MTUS1: variants seen among roughly 807,000 people sequenced by gnomAD.
MTUS1 encodes microtubule associated scaffold protein 1.
In MTUS1, 109 loss-of-function variants were observed where a neutral mutation model predicts 120.8. That is an observed-to-expected ratio of 0.90 (90% confidence interval 0.77 to 1.06). The LOEUF (loss-of-function observed/expected upper bound fraction) is 1.06, where lower values mean the gene tolerates loss of function less well. Ranked by LOEUF, MTUS1 falls within the 50% of genes least tolerant of loss-of-function variation. MTUS1 has a pLI of 0.00. For missense variants in MTUS1, 2,210 were observed against 1,486.3 expected, an observed-to-expected ratio of 1.49 and a Z score of -8.01; for synonymous variants, 737 against 550.5, an observed-to-expected ratio of 1.34 and a Z score of -4.74.
At chr8:17,706,069 A>C (rs1461435697) in intron 6 of MTUS1, 9 of 152,112 alleles carry the variant, frequency 5.9e-5, no homozygotes, top group Non-Finnish European at 1.3e-4. Flanking sequence ...TTGGTTCTTG[A>C]CTTTAAGCAG....
At chr8:17,722,566 T>C (rs1448429110) in intron 4 of MTUS1, 1 of 985,230 alleles carries the variant, frequency 1.0e-6, no homozygotes, top group African/African-American at 1.7e-5. Flanking sequence ...TGCAGCTACT[T>C]ACTCTCATAT....
intron 1 of MTUS1, among the ~76,000 whole-genome samples, chr8:17,779,888 T>A (rs1350566261): frequency 6.6e-6 from 1 of 152,228 alleles, no homozygotes; most frequent in African/African-American, 2.4e-5. Flanking sequence ...AGCACTGATC[T>A]TTCCCCAAAG....
chr8:17,772,765 A>G (rs892828341), intron 1 of MTUS1, among the ~76,000 whole-genome samples: 7 of 152,244 alleles, frequency 4.6e-5, no homozygotes, highest in Admixed American at 1.3e-4. Flanking sequence ...CTTTGTAAAC[A>G]GCCAGAGTAG....
chr8:17,688,940 G>C (rs149048767), intron 6 of MTUS1, among the ~76,000 whole-genome samples: 1 of 152,008 alleles, frequency 6.6e-6, no homozygotes, highest in African/African-American at 2.4e-5. Flanking sequence ...GGCCGGGTGC[G>C]GTGGCTCACA....
At chr8:17,801,337 C>T (rs2052663767), upstream of MTUS1, 1 of 151,852 alleles carries the variant, frequency 6.6e-6, no homozygotes, top group South Asian at 2.1e-4. Context: ...CTCGGGCCTC[C>T]CGCCCCAACC....
At chr8:17,662,844 G>GAA (rs10616236) in intron 8 of MTUS1, among the ~76,000 whole-genome samples, 4 of 141,382 alleles carry the variant, frequency 2.8e-5, no homozygotes, top group African/African-American at 1.1e-4. Context: ...AGGAAAAAGA[G>GAA]AAAAAAAAAA....
At chr8:17,728,437 T>C (rs369712508) in intron 3 of MTUS1, among the ~76,000 whole-genome samples, 6 of 152,320 alleles carry the variant, frequency 3.9e-5, no homozygotes, top group Admixed American at 2.0e-4. Context: ...ATCTGGACAA[T>C]AGATTCACAT....
intron 6 of MTUS1, among the ~76,000 whole-genome samples, chr8:17,701,062 T>C (rs1463893402): frequency 1.3e-5 from 2 of 152,220 alleles, no homozygotes; most frequent in Non-Finnish European, 2.9e-5. Flanking sequence ...TTGTTTGTTG[T>C]TGTTAATGAT....
intron 1 of MTUS1, among the ~76,000 whole-genome samples, chr8:17,799,939 G>GA (rs55838213): frequency 0.037 from 5,284 of 144,174 alleles, 209 homozygotes; most frequent in African/African-American, 0.1. Flanking sequence ...TATTGCCTAT[G>GA]AAAAAAAAAA....
intron 2 of MTUS1, among the ~76,000 whole-genome samples, chr8:17,744,828 C>T (rs1028007451): frequency 6.6e-6 from 1 of 151,808 alleles, no homozygotes; most frequent in Non-Finnish European, 1.5e-5. Context: ...CAGGCGTGAG[C>T]CAATAACTTA....
chr8:17,774,671 A>G (rs1197742182), intron 1 of MTUS1, among the ~76,000 whole-genome samples: 1 of 152,138 alleles, frequency 6.6e-6, no homozygotes, highest in Admixed American at 6.6e-5. Context: ...GCTATGGAAA[A>G]CAATTCTGTG....
chr8:17,742,796 T>G (rs1182589472), intron 3 of MTUS1, among the ~76,000 whole-genome samples: 1 of 152,250 alleles, frequency 6.6e-6, no homozygotes, highest in Non-Finnish European at 1.5e-5. Flanking sequence ...TTGCTCGCTT[T>G]CATTAGTTTC....
chr8:17,782,078 T>C (rs1233183426), intron 1 of MTUS1, among the ~76,000 whole-genome samples: 1 of 152,178 alleles, frequency 6.6e-6, no homozygotes, highest in Non-Finnish European at 1.5e-5. Flanking sequence ...TTTATGGGGC[T>C]AACAAATCAA....
intron 6 of MTUS1, among the ~76,000 whole-genome samples, chr8:17,689,900 CTGAAAAAATAAAAA>C (rs1038835758): frequency 4.6e-5 from 5 of 109,494 alleles, no homozygotes; most frequent in Non-Finnish European, 8.5e-5. Flanking sequence ...AACGTAAGAC[CTGAAAAAATAAAAA>C]TTCCTGGGTG....
chr8:17,751,862 TAAAAAAAA>T (rs56362055), intron 2 of MTUS1, among the ~76,000 whole-genome samples: 5 of 96,540 alleles, frequency 5.2e-5, no homozygotes, highest in South Asian at 3.3e-4. Flanking sequence ...GACTCTGCCT[TAAAAAAAA>T]AAAAAAAAAA....
chr8:17,734,026 T>G (rs2046771108), intron 3 of MTUS1, among the ~76,000 whole-genome samples: 1 of 152,226 alleles, frequency 6.6e-6, no homozygotes, highest in Admixed American at 6.5e-5. Context: ...ACTTTGGTAT[T>G]TGTAATTACA....
chr8:17,742,269 G>GTTTTTTTTTTTTTTTTT (rs1210338239), intron 3 of MTUS1, among the ~76,000 whole-genome samples: 2 of 94,908 alleles, frequency 2.1e-5, no homozygotes, highest in Admixed American at 1.1e-4. Context: ...ATGCCCAGCT[G>GTTTTTTTTTTTTTTTTT]TTTTTTTTTT....
At chr8:17,699,776 T>C (rs1030507516) in intron 6 of MTUS1, among the ~76,000 whole-genome samples, 4 of 152,224 alleles carry the variant, frequency 2.6e-5, no homozygotes, top group African/African-American at 9.6e-5. Context: ...GCAAGGGAGC[T>C]GCCTTGGCAG....
At chr8:17,742,336 C>A (rs1317422321) in intron 3 of MTUS1, among the ~76,000 whole-genome samples, 24 of 143,104 alleles carry the variant, frequency 1.7e-4, no homozygotes, top group Non-Finnish European at 3.3e-4. Flanking sequence ...GCTATGTTGC[C>A]CAGGCTGGTC....
Sources: gnomAD v4.1 joint callset for allele counts (sites outside exome capture counted in the v4.1 genomes callset) on GRCh38, gnomAD v4.1.1 for gene constraint, MANE v1.5 for transcripts, NCBI Gene and HGNC (gene_info 2026-07-23, HGNC 2026-07-21) for gene names.